ITPK1: variants seen among roughly 807,000 people sequenced by gnomAD.
ITPK1 encodes inositol 1,3,4-trisphosphate 5/6-kinase.
A neutral mutation model predicts 45.3 loss-of-function variants in ITPK1; 21 were observed. That is an observed-to-expected ratio of 0.46 (90% CI 0.33 to 0.67). ITPK1 has a LOEUF of 0.67. ITPK1 is among the 30% of genes least tolerant of loss of function. The pLI is 0.02. For synonymous variants in ITPK1, 258 were observed against 253.6 expected (o/e 1.02, Z -0.16); for missense variants, 474 against 573.5 (o/e 0.83, Z 1.77).
At chr14:93,017,143 G>C (rs1213053659) in intron 3 of ITPK1, among the ~76,000 whole-genome samples, 1 of 152,172 alleles carries the variant, frequency 6.6e-6, no homozygotes, top group African/African-American at 2.4e-5. Flanking sequence ...GCTGAGAAAT[G>C]GCTTTACAGA....
chr14:92,938,713 A>G lies in ITPK1; in HGVS notation c.*2848T>C, dbSNP rs1275135471. The G allele has an allele frequency of 9.8e-6, 6 of 612,708 alleles. No individual in the cohort carries two copies. Among genetic ancestry groups the G allele is most frequent in the Non-Finnish European group, 1.5e-5 (5 of 342,594 alleles). 38.0% of individuals were successfully genotyped at this position (612,708 alleles called of 1,614,324 possible). On this transcript the variant is annotated 3_prime_UTR_variant, in exon 11 of 11. Coordinates refer to ENST00000267615, the MANE Select transcript of ITPK1 (RefSeq NM_014216.6). ...ACCACGTGTGGACCCAGACACCTCCATGACACCAAGGGCAAAGCACCAGTT... is the reference window on the plus strand; with the variant it reads ...ACCACGTGTGGACCCAGACACCTCCGTGACACCAAGGGCAAAGCACCAGTT...
At chr14:93,096,249 G>T (rs914977268) in intron 2 of ITPK1, among the ~76,000 whole-genome samples, 1 of 152,332 alleles carries the variant, frequency 6.6e-6, no homozygotes. Flanking sequence ...TTTCTGACCT[G>T]TCAGCAGCAG....
intron 3 of ITPK1, among the ~76,000 whole-genome samples, chr14:93,075,682 CAG>C (rs1213823982): frequency 1.3e-5 from 2 of 152,232 alleles, no homozygotes; most frequent in African/African-American, 4.8e-5. Context: ...CTGAAGTTAA[CAG>C]GGGTGGGCTG....
rs1031095512 is a variant in ITPK1, at chr14:93,032,870, G to A, written c.121-16069C>T. 3.9e-5 allele frequency among the ~76,000 whole-genome samples: 6 copies of A among 152,192 alleles called. No homozygotes were observed. In the East Asian group the frequency reaches 7.7e-4, roughly 20 times the overall value. Reference sequence around the variant, plus strand: ...GGAATCGGGTGACAAAGGCCAGCACGGATCGGATCGTGCACCCTGCAAAGC... The same window carrying A: ...GGAATCGGGTGACAAAGGCCAGCACAGATCGGATCGTGCACCCTGCAAAGC... On this transcript the variant is annotated intron_variant, in intron 3 of 10. Transcript: ENST00000267615. This position sits in a 1 kb window ranked among gnomAD's most constrained non-coding sequence, Gnocchi z 4.0.
chr14:93,041,648 G>C (rs1166461746), intron 3 of ITPK1, among the ~76,000 whole-genome samples: 3 of 152,332 alleles, frequency 2.0e-5, no homozygotes, highest in Admixed American at 6.5e-5. Context: ...GGCACACAGG[G>C]CTCAGCATCC....
intron 3 of ITPK1, among the ~76,000 whole-genome samples, chr14:93,026,677 T>A (rs1888748743): frequency 6.6e-6 from 1 of 152,242 alleles, no homozygotes; most frequent in Non-Finnish European, 1.5e-5. Flanking sequence ...CTGCACTGTT[T>A]GTAATCGCCA....
chr14:93,115,880 C>A lies in ITPK1; in HGVS notation c.-251G>T, dbSNP rs1472308383. 4 of 146,422 alleles carry A rather than the reference C, an allele frequency of 2.7e-5. No individual in the cohort carries two copies. The South Asian group carries it at 7.7e-4, about 28-fold the overall frequency. 9.1% of individuals were successfully genotyped at this position (146,422 alleles called of 1,614,324 possible). A position where few individuals can be genotyped will look rare whatever the true frequency, so the allele number is the denominator to read the frequency against. On this transcript the variant is annotated 5_prime_UTR_variant, in exon 1 of 11. Coordinates refer to ENST00000267615, the MANE Select transcript of ITPK1 (RefSeq NM_014216.6). ...TCGCCGCCCCTGCCCGCCGCCGCCC[C>A]GCGCTGGCCCGGCCGCCCCGCTTGA... is the stretch of plus-strand genomic sequence containing the variant.
intron 3 of ITPK1, among the ~76,000 whole-genome samples, chr14:93,022,849 AC>A (rs1888540389): frequency 6.6e-6 from 1 of 152,130 alleles, no homozygotes; most frequent in Admixed American, 6.5e-5. Context: ...AACAACAAAA[AC>A]AAAAAAACAA....
chr14:92,959,284 G>A lies in ITPK1; in HGVS notation c.505-918C>T, dbSNP rs577166652. On this transcript the variant is annotated intron_variant, in intron 7 of 10. Transcript: ENST00000267615. ...AGGGTCATGGCTAATCCCTCAGCCCGCAGGGCCCCAGGAAGGAGCCACCAG... is the reference window on the plus strand; with the variant it reads ...AGGGTCATGGCTAATCCCTCAGCCCACAGGGCCCCAGGAAGGAGCCACCAG... 7.2e-4 allele frequency among the ~76,000 whole-genome samples: 109 copies of A among 152,306 alleles called. 1 individual carries two copies. Among genetic ancestry groups the A allele is most frequent in the African/African-American group, 2.4e-3 (100 of 41,570 alleles).
In ITPK1 at chr14:92,993,983, G is replaced by C; in HGVS notation, c.261C>G (p.Ala87=). Reference sequence around the variant, plus strand: ...GGTCCAGGACGATGGTCTCAGGGTGGGCATCGATGTACTCCTGAAAGGGAA... The same window carrying C: ...GGTCCAGGACGATGGTCTCAGGGTGCGCATCGATGTACTCCTGAAAGGGAA... The part of the protein sequence containing the change: ...LVHRFQEYID[A]HPETIVLDPL... Residue 87 remains alanine, a synonymous_variant, in exon 5 of 11, where the codon GCC becomes GCG. Transcript: ENST00000267615. 1 of 1,612,196 alleles carries C rather than the reference G, an allele frequency of 6.2e-7. No individual in the cohort carries two copies. Among genetic ancestry groups the C allele is most frequent in the South Asian group, 1.1e-5 (1 of 91,038 alleles).
At chr14:92,967,883 AAT>A (rs1885457766) in intron 5 of ITPK1, among the ~76,000 whole-genome samples, 2 of 152,200 alleles carry the variant, frequency 1.3e-5, no homozygotes, top group Non-Finnish European at 2.9e-5. Context: ...AAAAGAGATT[AAT>A]GGTTGACAGG....
intron 2 of ITPK1, among the ~76,000 whole-genome samples, chr14:93,111,120 A>G (rs1223468280): frequency 6.6e-6 from 1 of 152,208 alleles, no homozygotes; most frequent in Non-Finnish European, 1.5e-5. Flanking sequence ...ATTAAAAATC[A>G]GCAATTATTA....
chr14:92,972,105 G>GT (rs1391436378), intron 5 of ITPK1, among the ~76,000 whole-genome samples: 1 of 152,116 alleles, frequency 6.6e-6, no homozygotes, highest in Non-Finnish European at 1.5e-5. Context: ...ACAAACCACC[G>GT]TCCTACAGCT....
intron 2 of ITPK1, among the ~76,000 whole-genome samples, chr14:93,077,621 C>G (rs747941430): frequency 2.6e-5 from 4 of 152,194 alleles, no homozygotes; most frequent in Non-Finnish European, 5.9e-5. Flanking sequence ...TCCAGCCTCC[C>G]CCATCCCACA....
At chr14:92,965,252 T>C (rs1026862669) in intron 5 of ITPK1, among the ~76,000 whole-genome samples, 2 of 152,166 alleles carry the variant, frequency 1.3e-5, no homozygotes, top group East Asian at 1.9e-4. Flanking sequence ...ACCATATCAA[T>C]AGAGGACAAA....
At chr14:93,091,163 A>T (rs1330801370) in intron 2 of ITPK1, among the ~76,000 whole-genome samples, 1 of 152,248 alleles carries the variant, frequency 6.6e-6, no homozygotes, top group Non-Finnish European at 1.5e-5. Context: ...GCATATAATT[A>T]TGAAGAGAAA....
In ITPK1 at chr14:93,016,406, C is replaced by T. The variant is rs756034878; in HGVS notation, c.246+270G>A. Among the ~76,000 whole-genome samples the T allele has an allele frequency of 1.3e-5, 2 of 151,976 alleles. No individual in the cohort carries two copies. Among genetic ancestry groups the T allele is most frequent in the Admixed American group, 6.6e-5 (1 of 15,256 alleles). ...ACGTGGAGGCCACACTGGAACTCAG[C>T]GATGCCTCATCAGTAAACCGTGTCT... On this transcript the variant is annotated intron_variant, in intron 4 of 10. Transcript: ENST00000267615. The surrounding 1 kb of genome is among the most constrained non-coding windows in gnomAD (Gnocchi z 5.0).
chr14:93,045,424 T>A (rs549668356), intron 3 of ITPK1, among the ~76,000 whole-genome samples: 102 of 152,238 alleles, frequency 6.7e-4, no homozygotes, highest in South Asian at 1.5e-3. Context: ...TAACAAAGAC[T>A]CTACAGCAAA....
Position 93,115,232 on chromosome 14 carries a change from G to A in ITPK1, c.-69C>T. 6 of 1,136,430 alleles carry A rather than the reference G, an allele frequency of 5.3e-6. No individual in the cohort carries two copies. Among genetic ancestry groups the A allele is most frequent in the Non-Finnish European group, 7.7e-6 (6 of 780,746 alleles). 70.4% of individuals were successfully genotyped at this position (1,136,430 alleles called of 1,614,324 possible). ...ACAGGCCGAGTCTGGCGGCCGGCGC[G>A]CGCCGCGAGCGAGTGGGCACCTCCT... On this transcript the variant is annotated 5_prime_UTR_variant, in exon 2 of 11. Coordinates refer to ENST00000267615, the MANE Select transcript of ITPK1 (RefSeq NM_014216.6).
Sources: gnomAD v4.1 joint callset for allele counts (sites outside exome capture counted in the v4.1 genomes callset) on GRCh38, gnomAD v4.1.1 for gene constraint, Gnocchi (gnomAD v3.1) non-coding constraint, MANE v1.5 for transcripts, NCBI Gene and HGNC (gene_info 2026-07-23, HGNC 2026-07-21) for gene names.